Variants in TTBK2 observed in about 807,000 individuals in gnomAD.
The protein encoded by TTBK2 is tau tubulin kinase 2.
In TTBK2, 28 loss-of-function variants were observed where a neutral mutation model predicts 110.8. The ratio of observed to expected loss-of-function variants is 0.25; its 90% CI spans 0.19 to 0.35. The LOEUF (loss-of-function observed/expected upper bound fraction) is 0.35. Ranked by LOEUF, TTBK2 falls within the 10% of genes least tolerant of loss-of-function variation. The pLI is 1.00. For synonymous variants in TTBK2, 532 were observed against 527.3 expected (o/e 1.01, Z -0.12); for missense variants, 1,369 against 1,500.3 (o/e 0.91, Z 1.45).
intron 1 of TTBK2, among the ~76,000 whole-genome samples, chr15:42,920,110 A>G (rs2031289682): frequency 6.6e-6 from 1 of 152,180 alleles, no homozygotes; most frequent in African/African-American, 2.4e-5. Flanking sequence ...TGCTGGTACC[A>G]GAAGTGGCAT....
rs1000930628 is a variant in TTBK2 at position 42,743,378 on chromosome 15, T to C, written c.*2417A>G. The C allele has an allele frequency of 2.0e-5, 3 of 152,150 alleles. No homozygotes were observed. Among genetic ancestry groups the C allele is most frequent in the African/African-American group, 7.2e-5 (3 of 41,428 alleles). The allele number at this position is 152,150 out of a possible 1,614,324, so 9.4% of individuals were successfully genotyped here. The stretch of plus-strand genomic sequence containing the variant: ...CCAGCAGAGAAATGCCAATAAGAAA[T>C]AAAATCACACACACGTACCACAGTT... On this transcript the variant is annotated 3_prime_UTR_variant, in exon 15 of 15. Coordinates refer to ENST00000267890, the MANE Select transcript of TTBK2 (RefSeq NM_173500.4).
At chr15:42,871,825 A>C (rs1262390157) in intron 3 of TTBK2, among the ~76,000 whole-genome samples, 1 of 152,230 alleles carries the variant, frequency 6.6e-6, no homozygotes. Context: ...AAACAGATCT[A>C]TAATTTTACT....
intron 3 of TTBK2, among the ~76,000 whole-genome samples, chr15:42,865,816 C>A (rs1210401984): frequency 6.6e-6 from 1 of 151,890 alleles, no homozygotes; most frequent in Non-Finnish European, 1.5e-5. Flanking sequence ...GAGTGAGACT[C>A]CATTTCAAAA....
At chr15:42,756,016 T>G (rs1233214235) in intron 13 of TTBK2, among the ~76,000 whole-genome samples, 1 of 151,948 alleles carries the variant, frequency 6.6e-6, no homozygotes, top group Non-Finnish European at 1.5e-5. Context: ...GCCAACATGG[T>G]GAAACCCTGT....
intron 13 of TTBK2, among the ~76,000 whole-genome samples, chr15:42,766,556 A>T (rs566358015): frequency 1.3e-5 from 2 of 152,076 alleles, no homozygotes; most frequent in African/African-American, 4.8e-5. Context: ...ACAATGGTAA[A>T]GGGATCAATT....
At chr15:42,903,814 T>C (rs1189600293) in intron 1 of TTBK2, among the ~76,000 whole-genome samples, 1 of 152,224 alleles carries the variant, frequency 6.6e-6, no homozygotes, top group Non-Finnish European at 1.5e-5. Context: ...CCAGATAGGT[T>C]ATGAAAGACT....
chr15:42,815,958 A>AAAAAATATATATATATATATAT (rs71108183), intron 7 of TTBK2, among the ~76,000 whole-genome samples: 40 of 91,688 alleles, frequency 4.4e-4, no homozygotes, highest in African/African-American at 1.7e-3. Context: ...TTAAAAAAAA[A>AAAAAATATATATATATATATAT]ATATATATAT....
rs539375163 is a variant in TTBK2, at chr15:42,840,861, A to C, written c.218-428T>G. On this transcript the variant is annotated intron_variant, in intron 3 of 14. Transcript: ENST00000267890. ...TTGTTATGACTTCAGCAAGACAAAC[A>C]ATCTTTCTGGGCCTCACTGATGTGG... Among the ~76,000 whole-genome samples the C allele has an allele frequency of 3.0e-3, 459 of 152,320 alleles. 1 individual carries two copies. Among genetic ancestry groups the C allele is most frequent in the Non-Finnish European group, 4.2e-3 (284 of 68,030 alleles).
At chr15:42,848,462 T>C (rs1893557446) in intron 3 of TTBK2, among the ~76,000 whole-genome samples, 2 of 152,102 alleles carry the variant, frequency 1.3e-5, no homozygotes, top group Admixed American at 6.5e-5. Context: ...CAGGGTTTTA[T>C]AGTTTTCAGC....
intron 2 of TTBK2, among the ~76,000 whole-genome samples, chr15:42,878,184 G>A (rs1214261151): frequency 6.7e-6 from 1 of 148,372 alleles, no homozygotes; most frequent in Non-Finnish European, 1.5e-5. Context: ...GGGTTTCATC[G>A]TGTTAGCCAA....
intron 9 of TTBK2, among the ~76,000 whole-genome samples, chr15:42,810,258 C>T (rs1891649505): frequency 1.3e-5 from 2 of 152,184 alleles, no homozygotes; most frequent in South Asian, 2.1e-4. Flanking sequence ...TTGACAGATG[C>T]ATTACCTAGT....
At chr15:42,853,934 T>C (rs746208794) in intron 3 of TTBK2, among the ~76,000 whole-genome samples, 10 of 152,124 alleles carry the variant, frequency 6.6e-5, no homozygotes, top group Non-Finnish European at 1.0e-4. Flanking sequence ...CAGAATATTT[T>C]TTTTTTATTT....
chr15:42,898,531 A>G (rs1895761120), intron 1 of TTBK2, among the ~76,000 whole-genome samples: 1 of 152,138 alleles, frequency 6.6e-6, no homozygotes, highest in Non-Finnish European at 1.5e-5. Context: ...AAAAAAAGAA[A>G]AAGAAAAAAA....
At position 42,751,955 on chromosome 15, in the gene TTBK2, G is replaced by C. The variant is rs1394322731; in HGVS notation, c.3272+19C>G. 6.2e-7 allele frequency: 1 copy of C among 1,614,000 alleles called. No homozygotes were observed. On this transcript the variant is annotated intron_variant, in intron 14 of 14. Coordinates refer to ENST00000267890, the MANE Select transcript of TTBK2 (RefSeq NM_173500.4). ...AAATGGTGTTACACACTTAACACAGGGAGAGCACACAGCATTACCTGGCTT... is the reference window on the plus strand; with the variant it reads ...AAATGGTGTTACACACTTAACACAGCGAGAGCACACAGCATTACCTGGCTT...
chr15:42,857,069 A>G (rs146081215), intron 3 of TTBK2, among the ~76,000 whole-genome samples: 1 of 152,200 alleles, frequency 6.6e-6, no homozygotes, highest in East Asian at 1.9e-4. Context: ...TCACAAAAAA[A>G]AAAAAAAATC....
At chr15:42,815,956 A>ATATATAT (rs1256399173) in intron 7 of TTBK2, among the ~76,000 whole-genome samples, 34 of 63,948 alleles carry the variant, frequency 5.3e-4, no homozygotes, top group South Asian at 1.9e-3. Context: ...ATTTAAAAAA[A>ATATATAT]AAATATATAT....
chr15:42,845,633 C>CA (rs894783459), intron 3 of TTBK2, among the ~76,000 whole-genome samples: 1,037 of 15,002 alleles, frequency 0.069, 90 homozygotes, highest in Middle Eastern at 0.16. Context: ...GGCTGCATCT[C>CA]AAAAAAAAAA....
At chr15:42,817,161 G>C (rs1892073388) in intron 6 of TTBK2, 64 bp from the exon 7 acceptor site, 1 of 1,382,666 alleles carries the variant, frequency 7.2e-7, no homozygotes. Context: ...CAGCACACTT[G>C]AACCATGAAG....
Position 42,842,508 on chromosome 15 carries a change from C to A in TTBK2, c.218-2075G>T, listed in dbSNP as rs560553536. Among the ~76,000 whole-genome samples, 11 of 152,062 alleles carry A rather than the reference C, an allele frequency of 7.2e-5. No individual in the cohort carries two copies. In the East Asian group the frequency reaches 2.1e-3, roughly 29 times the overall value. ...TTGAAAGTAAGGAAGAGTAACAGGCCAAAGCTTGAAGATGAAGATTTGGTG... is the reference window on the plus strand; with the variant it reads ...TTGAAAGTAAGGAAGAGTAACAGGCAAAAGCTTGAAGATGAAGATTTGGTG... On this transcript the variant is annotated intron_variant, in intron 3 of 14. Transcript: ENST00000267890.
Sources: allele counts gnomAD v4.1 joint callset (sites outside exome capture counted in the v4.1 genomes callset), GRCh38; gene constraint gnomAD v4.1.1; transcripts MANE v1.5; gene names NCBI Gene and HGNC (gene_info 2026-07-23, HGNC 2026-07-21).